Variants in AP1G1 observed in about 807,000 individuals in gnomAD.
AP1G1 encodes the protein adaptor related protein complex 1 subunit gamma 1.
Under a neutral mutation model 108.3 loss-of-function variants are expected in AP1G1, and 7 were observed. The ratio of observed to expected loss-of-function variants is 0.06; its 90% confidence interval spans 0.04 to 0.12. The LOEUF is 0.12. Among genes scored for constraint, AP1G1 ranks in the 10% least tolerant of loss-of-function variants. The pLI is 1.00. For missense variants in AP1G1, 756 were observed against 1,010.7 expected (o/e 0.75, Z 3.42); for synonymous variants, 379 against 353.5 (o/e 1.07, Z -0.81).
intron 13 of AP1G1, among the ~76,000 whole-genome samples, chr16:71,752,545 G>A (rs1567645736): frequency 6.6e-6 from 1 of 152,096 alleles, no homozygotes; most frequent in Admixed American, 6.6e-5. Context: ...CCCATTTGGG[G>A]ACTACTAGTT....
intron 11 of AP1G1, among the ~76,000 whole-genome samples, chr16:71,757,040 T>G (rs2030828628): frequency 6.6e-6 from 1 of 152,064 alleles, no homozygotes; most frequent in African/African-American, 2.4e-5. Flanking sequence ...CTATTCAAAG[T>G]TGGCAATGAA....
intron 1 of AP1G1, among the ~76,000 whole-genome samples, chr16:71,801,845 C>T (rs1222483370): frequency 6.6e-6 from 1 of 151,082 alleles, no homozygotes; most frequent in Non-Finnish European, 1.5e-5. Context: ...TGGCATGAAC[C>T]CGGGAGGCGG....
intron 6 of AP1G1, among the ~76,000 whole-genome samples, chr16:71,768,454 T>C (rs1267748148): frequency 3.2e-5 from 4 of 125,842 alleles, no homozygotes; most frequent in Non-Finnish European, 6.2e-5. Flanking sequence ...TGAGCCAAGA[T>C]TGCACCACTG....
intron 5 of AP1G1, 161 bp downstream of exon 5, chr16:71,770,995 A>C: frequency 2.3e-6 from 1 of 443,330 alleles, no homozygotes; most frequent in Non-Finnish European, 4.0e-6. Context: ...AGGATATGTG[A>C]GTGGAAAGAC....
At chr16:71,796,344 T>C (rs376541173) in intron 1 of AP1G1, among the ~76,000 whole-genome samples, 2 of 152,280 alleles carry the variant, frequency 1.3e-5, no homozygotes, top group Admixed American at 1.3e-4. Flanking sequence ...GGTTTCACCA[T>C]GGCTTAAAAT....
chr16:71,737,574 C>T (rs1464821180), intron 21 of AP1G1, among the ~76,000 whole-genome samples: 5 of 152,220 alleles, frequency 3.3e-5, no homozygotes, highest in Admixed American at 6.5e-5. Flanking sequence ...CGTGAGATAC[C>T]GTGTCCAGCT....
intron 1 of AP1G1, among the ~76,000 whole-genome samples, chr16:71,795,755 C>CA (rs1309444568): frequency 6.6e-6 from 1 of 152,206 alleles, no homozygotes; most frequent in Non-Finnish European, 1.5e-5. Flanking sequence ...GCTATCATTA[C>CA]ACTGATCTAG....
intron 8 of AP1G1, 84 bp downstream of exon 8, chr16:71,764,562 T>C: frequency 1.6e-6 from 2 of 1,285,548 alleles, no homozygotes. Flanking sequence ...GAAACACAAA[T>C]AAAAACTGCT....
chr16:71,748,053 G>A (rs1455115929), intron 16 of AP1G1, among the ~76,000 whole-genome samples, 198 bp downstream of exon 16: 1 of 152,196 alleles, frequency 6.6e-6, no homozygotes, highest in Non-Finnish European at 1.5e-5. Context: ...GAATGAGAGG[G>A]AACAAAGTGC....
chr16:71,779,985 G>GTTT (rs1046891832), intron 2 of AP1G1, among the ~76,000 whole-genome samples: 9 of 139,482 alleles, frequency 6.5e-5, no homozygotes, highest in African/African-American at 2.5e-4. Context: ...TTTTGTTTCA[G>GTTT]TTTTTTTTTG....
intron 4 of AP1G1, among the ~76,000 whole-genome samples, chr16:71,772,266 T>C (rs534013259): frequency 6.6e-6 from 1 of 152,270 alleles, no homozygotes; most frequent in Non-Finnish European, 1.5e-5. Flanking sequence ...GGTGAGGGAC[T>C]ACAGGCGCCC....
Position 71,729,573 on chromosome 16 carries a change from G to A in AP1G1, c.*3485C>T, listed in dbSNP as rs1472849406. Reference sequence around the variant, plus strand: ...TTCCAGGTCCTGGAACCCTGTCGATGGGACCCACTCACTGATATTGCTTGA... The same window carrying A: ...TTCCAGGTCCTGGAACCCTGTCGATAGGACCCACTCACTGATATTGCTTGA... On this transcript the variant is annotated 3_prime_UTR_variant, in exon 23 of 23. Coordinates refer to ENST00000299980, the MANE Select transcript of AP1G1 (RefSeq NM_001128.6). 1 of 152,512 alleles carries A rather than the reference G, an allele frequency of 6.6e-6. No individual in the cohort carries two copies. Among genetic ancestry groups the A allele is most frequent in the Non-Finnish European group, 1.5e-5 (1 of 68,036 alleles). 9.4% of individuals were successfully genotyped at this position (152,512 alleles called of 1,614,324 possible).
chr16:71,757,916 A>C (rs1205998726), intron 11 of AP1G1, among the ~76,000 whole-genome samples: 1 of 152,310 alleles, frequency 6.6e-6, no homozygotes, highest in Admixed American at 6.5e-5. Context: ...AATTGTAACT[A>C]ATCTGTTAAT....
chr16:71,764,860 A>C, intron 7 of AP1G1, 134 bp from the exon 8 acceptor site: 2 of 611,764 alleles, frequency 3.3e-6, no homozygotes, highest in Non-Finnish European at 5.7e-6. Context: ...AGAAATAGTC[A>C]AAAATCAAAC....
At chr16:71,763,707 T>C (rs1443238411) in intron 9 of AP1G1, among the ~76,000 whole-genome samples, 1 of 152,228 alleles carries the variant, frequency 6.6e-6, no homozygotes, top group African/African-American at 2.4e-5. Context: ...AACTAGATAC[T>C]ATAATGCTAC....
intron 1 of AP1G1, among the ~76,000 whole-genome samples, chr16:71,802,932 T>C (rs2032859276): frequency 6.6e-6 from 1 of 151,822 alleles, no homozygotes; most frequent in South Asian, 2.1e-4. Flanking sequence ...TAAAATATTT[T>C]AGCCAGGCTC....
At chr16:71,736,028 G>A (rs1413142078) in intron 21 of AP1G1, among the ~76,000 whole-genome samples, 5 of 145,314 alleles carry the variant, frequency 3.4e-5, no homozygotes, top group African/African-American at 5.1e-5. Flanking sequence ...CTACTCAGGA[G>A]GCTGAGGCAA....
chr16:71,745,797 G>T (rs2030142040), intron 17 of AP1G1, among the ~76,000 whole-genome samples, 183 bp from the exon 18 acceptor site: 1 of 152,054 alleles, frequency 6.6e-6, no homozygotes, highest in Non-Finnish European at 1.5e-5. Flanking sequence ...TGGATTAAGG[G>T]CAGACAAAAA....
rs928179897 is a variant in AP1G1, at chr16:71,770,769, C to T, written c.565+387G>A. Reference sequence around the variant, plus strand: ...ACAGGCATGAGCTACCACGCCCAGCCGCACAAATCTTATACTCCTACCACA... The same window carrying T: ...ACAGGCATGAGCTACCACGCCCAGCTGCACAAATCTTATACTCCTACCACA... On this transcript the variant is annotated intron_variant, in intron 5 of 22. Transcript: ENST00000299980. Among the ~76,000 whole-genome samples the T allele has an allele frequency of 2.6e-5, 4 of 152,236 alleles. No individual in the cohort carries two copies. In the East Asian group the frequency reaches 7.7e-4, roughly 29 times the overall value.
Sources: gnomAD v4.1 joint callset for allele counts (sites outside exome capture counted in the v4.1 genomes callset) on GRCh38, gnomAD v4.1.1 for gene constraint, MANE v1.5 for transcripts, NCBI Gene and HGNC (gene_info 2026-07-23, HGNC 2026-07-21) for gene names.